Variants in SRPX observed in about 807,000 individuals in gnomAD.
SRPX encodes sushi repeat containing protein X-linked, also known as sushi repeat-containing protein SRPX.
SRPX carries 24 observed loss-of-function variants against 38.1 expected under a neutral mutation model. The ratio of observed to expected loss-of-function variants is 0.63; its 90% CI spans 0.46 to 0.89. The LOEUF is 0.89. Among genes scored for constraint, SRPX ranks in the 40% least tolerant of loss-of-function variants. SRPX has a pLI of 0.00. For synonymous variants in SRPX, 184 were observed against 153.8 expected (o/e 1.20, Z -1.45); for missense variants, 416 against 377.8 (o/e 1.10, Z -0.84).
At chrX:38,171,558 T>C (rs928966586) in intron 4 of SRPX, among the ~76,000 whole-genome samples, 1 of 111,994 alleles carries the variant, frequency 8.9e-6, no homozygotes, top group Non-Finnish European at 1.9e-5. Context: ...GGACTGTCCC[T>C]ATAGTGTCAA....
chrX:38,217,490 G>A, intron 1 of SRPX, among the ~76,000 whole-genome samples: 1 of 111,484 alleles, frequency 9.0e-6, no homozygotes, highest in Non-Finnish European at 1.9e-5. Context: ...AGGATTTTAG[G>A]AAACCAGGGG....
intron 1 of SRPX, among the ~76,000 whole-genome samples, chrX:38,208,848 C>A (rs925422664): frequency 1.3e-5 from 1 of 79,547 alleles, no homozygotes; most frequent in South Asian, 6.6e-4. Context: ...TGACTAATTT[C>A]TTTTTTTTTT....
chrX:38,161,865 G>A (rs751809670), intron 5 of SRPX, among the ~76,000 whole-genome samples: 6 of 111,630 alleles, frequency 5.4e-5, no homozygotes, highest in African/African-American at 1.6e-4. Flanking sequence ...TCCACGTTCT[G>A]TTTTTCAATA....
At chrX:38,173,009 A>G (rs2052189230) in intron 3 of SRPX, among the ~76,000 whole-genome samples, 1 of 112,277 alleles carries the variant, frequency 8.9e-6, no homozygotes, top group South Asian at 3.8e-4. Flanking sequence ...GGATACATAC[A>G]ACTAGTAAAA....
intron 1 of SRPX, among the ~76,000 whole-genome samples, chrX:38,186,821 AAAGGTGAGTGG>A (rs1274486905): frequency 8.9e-6 from 1 of 112,077 alleles, no homozygotes; most frequent in Non-Finnish European, 1.9e-5. Flanking sequence ...TCTAGCCCCC[AAAGGTGAGTGG>A]AAGGACAACC....
At chrX:38,195,168 C>T (rs1398492966) in intron 1 of SRPX, among the ~76,000 whole-genome samples, 2 of 109,659 alleles carry the variant, frequency 1.8e-5, no homozygotes, top group Non-Finnish European at 3.8e-5. Context: ...CCACTTTACC[C>T]GGCTGTAAAT....
rs1337440951 is a variant in SRPX, at chrX:38,154,511, C to T, written c.1162G>A (p.Gly388Ser). Residue 388 changes from glycine (G) to serine (S), a missense_variant, in exon 9 of 10, where the codon GGC becomes AGC. Transcript: ENST00000378533. The part of the protein sequence containing the change: ...ELVGVFPTLI[G>S]RIGAKIMPPA... ...GGCATAATCTTTGCTCCTATCCTGCCAATGAGAGTCGGGAACACACCCACC... is the reference window on the plus strand; with the variant it reads ...GGCATAATCTTTGCTCCTATCCTGCTAATGAGAGTCGGGAACACACCCACC... 1 of 1,206,953 alleles carries T rather than the reference C, an allele frequency of 8.3e-7. No individual in the cohort carries two copies. Among genetic ancestry groups the T allele is most frequent in the Non-Finnish European group, 1.1e-6 (1 of 893,167 alleles).
rs759131731 is a variant in SRPX at position 38,174,241 on chromosome X, G to A, written c.268C>T (p.Gln90Ter). Reference sequence around the variant, plus strand: ...GAGCCATGCAGCTCGTAGCCCTTCTGGCAGCGAATGTCGCACCTGGTTCCC... The same window carrying A: ...GAGCCATGCAGCTCGTAGCCCTTCTAGCAGCGAATGTCGCACCTGGTTCCC... ...ALGTRCDIRC[Q>*]KGYELHGSSL... is the part of the protein sequence containing the mutation. Residue 90 changes from glutamine (Q) to a stop codon, truncating the protein, a stop_gained, in exon 3 of 10, where the codon CAG becomes TAG. Coordinates refer to ENST00000378533, the MANE Select transcript of SRPX (RefSeq NM_006307.5). LOFTEE classifies it high-confidence loss of function. 8.6e-7 allele frequency: 1 copy of A among 1,165,073 alleles called. No individual in the cohort carries two copies. Among genetic ancestry groups the A allele is most frequent in the Non-Finnish European group, 1.1e-6 (1 of 873,292 alleles).
At chrX:38,194,414 T>C (rs546970601) in intron 1 of SRPX, among the ~76,000 whole-genome samples, 2 of 112,359 alleles carry the variant, frequency 1.8e-5, no homozygotes, top group Admixed American at 1.9e-4. Flanking sequence ...GCAATGGAAA[T>C]ACACATTGGT....
Position 38,160,997 on chromosome X carries a change from G to C in SRPX, c.711C>G (p.Ile237Met), listed in dbSNP as rs374069621. 8.9e-5 allele frequency: 107 copies of C among 1,208,734 alleles called. No individual in the cohort carries two copies. Among genetic ancestry groups the C allele is most frequent in the Non-Finnish European group, 1.2e-4 (106 of 894,745 alleles). Residue 237 changes from isoleucine to methionine, a missense_variant, in exon 6 of 10, where the codon ATC (isoleucine) becomes ATG (methionine). Physicochemically the swap from Ile to Met is conservative, Grantham distance 10. Transcript: ENST00000378533. ...CAGCTCTGTCATAGACTGTGTACTG[G>C]ATCTTGTGGTCTCCTTCTGGAAAGT... ...GSNFPEGDHK[I>M]QYTVYDRAEN...
chrX:38,210,381 A>C (rs1000751732), intron 1 of SRPX, among the ~76,000 whole-genome samples: 1 of 112,134 alleles, frequency 8.9e-6, no homozygotes, highest in African/African-American at 3.2e-5. Context: ...TGCAATAAAG[A>C]AACCTATTTA....
At chrX:38,188,814 T>C (rs749616767) in intron 1 of SRPX, among the ~76,000 whole-genome samples, 1 of 111,975 alleles carries the variant, frequency 8.9e-6, no homozygotes, top group Admixed American at 9.5e-5. Context: ...ATAAATAATA[T>C]ATTCACTCTA....
At chrX:38,170,563 T>C (rs1377648934) in intron 4 of SRPX, among the ~76,000 whole-genome samples, 1 of 111,117 alleles carries the variant, frequency 9.0e-6, no homozygotes, top group Non-Finnish European at 1.9e-5. Flanking sequence ...TTGTCATCCC[T>C]AACTAATTGC....
At chrX:38,201,331 A>G (rs893305659) in intron 1 of SRPX, among the ~76,000 whole-genome samples, 2 of 111,167 alleles carry the variant, frequency 1.8e-5, no homozygotes, top group African/African-American at 6.6e-5. Context: ...AGAAAGAAAG[A>G]AGGAAGGGAG....
At chrX:38,157,679 C>A (rs1453719837) in intron 7 of SRPX, among the ~76,000 whole-genome samples, 1 of 112,163 alleles carries the variant, frequency 8.9e-6, no homozygotes, top group Non-Finnish European at 1.9e-5. Flanking sequence ...GTTCCAGGGA[C>A]TAGGATGTGG....
intron 9 of SRPX, among the ~76,000 whole-genome samples, chrX:38,153,280 T>G (rs1328826818): frequency 9.6e-6 from 1 of 104,120 alleles, no homozygotes; most frequent in Non-Finnish European, 2.0e-5. Context: ...GCCCTCTGAG[T>G]TTTTTCTTTC....
intron 1 of SRPX, among the ~76,000 whole-genome samples, chrX:38,210,238 C>T (rs1054882415): frequency 9.0e-6 from 1 of 111,707 alleles, no homozygotes; most frequent in African/African-American, 3.3e-5. Flanking sequence ...CTACTAGGTT[C>T]CCAGGAGATG....
chrX:38,150,131 C>CAA (rs761243298), intron 9 of SRPX, among the ~76,000 whole-genome samples: 8 of 112,096 alleles, frequency 7.1e-5, no homozygotes, highest in Non-Finnish European at 1.5e-4. Flanking sequence ...GAATTAGTGT[C>CAA]TGCATTACTA....
chrX:38,168,408 G>A (rs187618386), intron 4 of SRPX, among the ~76,000 whole-genome samples: 2 of 111,941 alleles, frequency 1.8e-5, no homozygotes, highest in East Asian at 5.6e-4. Context: ...TACCAGACCT[G>A]TGAGTGAAGC....
Sources: allele counts gnomAD v4.1 joint callset (sites outside exome capture counted in the v4.1 genomes callset), GRCh38; gene constraint gnomAD v4.1.1; transcripts MANE v1.5; gene names NCBI Gene and HGNC (gene_info 2026-07-23, HGNC 2026-07-21).